LILRA2: variants seen among roughly 807,000 people sequenced by gnomAD.
LILRA2 encodes leukocyte immunoglobulin-like receptor subfamily A member 2.
Under a neutral mutation model 47.9 loss-of-function variants are expected in LILRA2, and 45 were observed. That is an observed-to-expected ratio of 0.94 (90% confidence interval 0.74 to 1.20). The LOEUF (loss-of-function observed/expected upper bound fraction) is 1.20. Ranked by LOEUF, LILRA2 falls within the 50% of genes most tolerant of loss-of-function variation. The pLI, the probability that LILRA2 is intolerant of heterozygous loss-of-function variation, is 0.00. For synonymous variants in LILRA2, 279 were observed against 249.2 expected (o/e 1.12, Z -1.13); for missense variants, 651 against 598.2 (o/e 1.09, Z -0.92).
In LILRA2 at chr19:54,587,551, T is replaced by G. The variant is rs2062852273; in HGVS notation, c.*205T>G. On this transcript the variant is annotated 3_prime_UTR_variant, in exon 8 of 8. Coordinates refer to ENST00000391738, the MANE Select transcript of LILRA2 (RefSeq NM_001130917.3). ...ATCATTAAACTGTGGTACATTTTTTTGTCTATGAATGTTGACTTCCCTTGA... is the reference window on the plus strand; with the variant it reads ...ATCATTAAACTGTGGTACATTTTTTGGTCTATGAATGTTGACTTCCCTTGA... 2.2e-6 allele frequency: 2 copies of G among 913,226 alleles called. No individual in the cohort carries two copies. Among genetic ancestry groups the G allele is most frequent in the Admixed American group, 5.9e-5 (2 of 34,126 alleles). The allele number at this position is 913,226 out of a possible 1,614,324, so 56.6% of individuals were successfully genotyped here.
In LILRA2 at chr19:54,587,033, T is replaced by C. The variant is rs2062831164; in HGVS notation, c.1279T>C (p.Ser427Pro). Reference sequence around the variant, plus strand: ...AGAAGCAGCTGAGACCCTCAGCCCATCACAAAACAAGACAGACTCCACGAC... The same window carrying C: ...AGAAGCAGCTGAGACCCTCAGCCCACCACAAAACAAGACAGACTCCACGAC... ...VSEAAETLSPSQNKTDSTTTS... is the reference protein window; with the variant it reads ...VSEAAETLSPPQNKTDSTTTS... The change falls in exon 7 of 8, where the codon TCA (serine) becomes CCA (proline). Residue 427 changes from serine to proline, a missense_variant. Transcript: ENST00000391738. 2 of 1,613,342 alleles carry C rather than the reference T, an allele frequency of 1.2e-6. No individual in the cohort carries two copies. The highest frequency in any genetic ancestry group is 2.2e-5 in the East Asian group (1 of 44,882).
chr19:54,577,380 GC>G, intron 6 of LILRA2: 3 of 1,088,002 alleles, frequency 2.8e-6, no homozygotes. Context: ...AGATGCTGGG[GC>G]TGATGGAGGA....
At chr19:54,584,351 A>G (rs2062733680) in intron 6 of LILRA2, among the ~76,000 whole-genome samples, 1 of 152,144 alleles carries the variant, frequency 6.6e-6, no homozygotes, top group African/African-American at 2.4e-5. Context: ...CTCCTGGATA[A>G]TATTCTGAAG....
At chr19:54,577,464 G>A (rs2062499402) in intron 6 of LILRA2, 3 of 1,278,438 alleles carry the variant, frequency 2.3e-6, no homozygotes, top group African/African-American at 1.5e-5. Context: ...TCATTTCCAA[G>A]AGCCCCTGAG....
At chr19:54,573,701 T>A, upstream of LILRA2, 4 of 1,316,430 alleles carry the variant, frequency 3.0e-6, no homozygotes, top group African/African-American at 1.5e-5. Flanking sequence ...ACCTCAGCCC[T>A]AAAGGTATGA....
In LILRA2 at chr19:54,574,498, G is replaced by A. The variant is rs780169320; in HGVS notation, c.268G>A (p.Glu90Lys). ...GQFPIPSITW[E>K]HAGRYHCQYY... ...GTTCCCCATCCCATCCATCACCTGG[G>A]AACACGCAGGGCGGTATCACTGTCA... is the stretch of plus-strand genomic sequence containing the variant. The change falls in exon 3 of 8, where the codon GAA (glutamate) becomes AAA (lysine). Residue 90 changes from glutamate to lysine, a missense_variant. Transcript: ENST00000391738. The A allele has an allele frequency of 1.2e-6, 2 of 1,613,990 alleles. No individual in the cohort carries two copies. The highest frequency in any genetic ancestry group is 2.7e-5 in the African/African-American group (2 of 74,874).
In LILRA2 at chr19:54,582,194, G is replaced by T. The variant is rs187739508; in HGVS notation, c.1256-4816G>T. On this transcript the variant is annotated intron_variant, in intron 6 of 7. Transcript: ENST00000391738. ...TGGTTTGCCAGTATTTTATTGAGGAGTTTTGCATCAATGTTCATCAGGGAT... is the reference window on the plus strand; with the variant it reads ...TGGTTTGCCAGTATTTTATTGAGGATTTTTGCATCAATGTTCATCAGGGAT... 9.4e-3 allele frequency among the ~76,000 whole-genome samples: 1,427 copies of T among 152,172 alleles called. 23 individuals are homozygous for T. Among genetic ancestry groups the T allele is most frequent in the African/African-American group, 0.033 (1,359 of 41,530 alleles).
At chr19:54,582,694 C>T (rs1272148612) in intron 6 of LILRA2, among the ~76,000 whole-genome samples, 1 of 152,180 alleles carries the variant, frequency 6.6e-6, no homozygotes, top group Non-Finnish European at 1.5e-5. Flanking sequence ...TCCTAGCGGT[C>T]TATCAATTTT....
At chr19:54,587,174 C>T (rs547148865) in intron 7 of LILRA2, 27 bp from the exon 8 acceptor site, 34 of 1,613,968 alleles carry the variant, frequency 2.1e-5, no homozygotes, top group East Asian at 1.6e-4. Context: ...TCCGATCTGC[C>T]CTGACCTCTG....
chr19:54,573,785 C>A (rs2062229148), upstream of LILRA2: 1 of 1,604,172 alleles, frequency 6.2e-7, no homozygotes, highest in Non-Finnish European at 8.5e-7. Flanking sequence ...CAAGAAGGAT[C>A]CAGCCTCCGA....
Position 54,587,226 on chromosome 19 carries a change from T to C in LILRA2, c.1332T>C (p.Asp444=), listed in dbSNP as rs1432384789. The part of the protein sequence containing the change: ...TTTSLGQHPQ[D]YTVENLIRMG... ...CATCCCTAGGCCAACACCCCCAGGATTACACAGTGGAGAATCTCATCCGCA... is the reference window on the plus strand; with the variant it reads ...CATCCCTAGGCCAACACCCCCAGGACTACACAGTGGAGAATCTCATCCGCA... The change falls in exon 8 of 8, where the codon GAT becomes GAC. Residue 444 remains aspartate, a synonymous_variant. Transcript: ENST00000391738. The C allele has an allele frequency of 1.2e-6, 2 of 1,614,028 alleles. No individual in the cohort carries two copies. Among genetic ancestry groups the C allele is most frequent in the South Asian group, 1.1e-5 (1 of 91,060 alleles).
rs144646056 is a variant in LILRA2 at position 54,583,955 on chromosome 19, A to C, written c.1256-3055A>C. 3.1e-3 allele frequency among the ~76,000 whole-genome samples: 471 copies of C among 152,312 alleles called. 5 individuals are homozygous for C. The highest frequency in any genetic ancestry group is 0.011 in the African/African-American group (449 of 41,554). ...TAGTGCTTCCTTCAGGAGCTCTTTT[A>C]AGGCAGGCCTGGTGGTGACAAAATC... On this transcript the variant is annotated intron_variant, in intron 6 of 7. Transcript: ENST00000391738.
Position 54,573,799 on chromosome 19 carries a change from T to G in LILRA2, c.-80T>G. The G allele has an allele frequency of 6.2e-7, 1 of 1,611,454 alleles. No individual in the cohort carries two copies. The highest frequency in any genetic ancestry group is 8.5e-7 in the Non-Finnish European group (1 of 1,178,954). On this transcript the variant is annotated 5_prime_UTR_variant, in exon 1 of 8. Transcript: ENST00000391738. ...ACAAGAAGGATCCAGCCTCCGAGTG[T>G]CCACACCCTGTGCGTCTCTCTGTCC...
upstream of LILRA2, chr19:54,573,196 G>T (rs138643352): frequency 4.9e-6 from 2 of 405,056 alleles, no homozygotes; most frequent in Admixed American, 7.0e-5. Flanking sequence ...TGTGGCCCAG[G>T]GTAATCTGAA....
rs2062883261 is a variant in LILRA2, at chr19:54,589,125, C to G, written c.*1779C>G. The stretch of plus-strand genomic sequence containing the variant: ...CCATTCTTCTGTGTGTGTCTTTTCT[C>G]TTCTTCAGATTATGATATCACTCAG... On this transcript the variant is annotated 3_prime_UTR_variant, in exon 8 of 8. Transcript: ENST00000391738. 6.6e-6 allele frequency: 1 copy of G among 152,170 alleles called. No homozygotes were observed. The highest frequency in any genetic ancestry group is 1.5e-5 in the Non-Finnish European group (1 of 68,038). 9.4% of individuals were successfully genotyped at this position (152,170 alleles called of 1,614,324 possible).
chr19:54,578,580 CAT>C (rs1398612529), intron 6 of LILRA2, among the ~76,000 whole-genome samples: 1 of 152,198 alleles, frequency 6.6e-6, no homozygotes, highest in African/African-American at 2.4e-5. Flanking sequence ...CCACAGTAAA[CAT>C]ATGTGTGCAT....
At chr19:54,587,103 G>A (rs141586582) in intron 7 of LILRA2, 43 bp downstream of exon 7, 5 of 1,611,506 alleles carry the variant, frequency 3.1e-6, no homozygotes, top group African/African-American at 2.7e-5. Context: ...GGCACAGAGG[G>A]TCAGGTCCTG....
At chr19:54,577,253 C>T (rs1319731522) in intron 6 of LILRA2, among the ~76,000 whole-genome samples, 2 of 152,048 alleles carry the variant, frequency 1.3e-5, no homozygotes, top group African/African-American at 4.8e-5. Context: ...ATAGCTGGCA[C>T]AGCTCTGCAG....
chr19:54,574,450 C>T lies in LILRA2; in HGVS notation c.220C>T (p.Gln74Ter), dbSNP rs779139118. The part of the protein sequence containing the change: ...NKSASWVRRI[Q>*]EPGKNGQFPI... ...ATCAGCATCCTGGGTTAGACGGATA[C>T]AAGAGCCTGGGAAGAATGGCCAGTT... The change falls in exon 3 of 8, where the codon CAA (glutamine) becomes TAA (stop). Residue 74 changes from glutamine to a stop codon, truncating the protein, a stop_gained. Transcript: ENST00000391738. LOFTEE classifies it high-confidence loss of function. 9.9e-6 allele frequency: 16 copies of T among 1,614,140 alleles called. No homozygotes were observed. The South Asian group carries it at 1.3e-4, about 13-fold the overall frequency.
Sources: allele counts gnomAD v4.1 joint callset (sites outside exome capture counted in the v4.1 genomes callset), GRCh38; gene constraint gnomAD v4.1.1; transcripts MANE v1.5; gene names NCBI Gene and HGNC (gene_info 2026-07-23, HGNC 2026-07-21).